The following FRY variants were observed in gnomAD, a reference collection of about 807,000 sequenced individuals.
FRY encodes FRY microtubule binding protein.
In FRY, 128 loss-of-function variants were observed where a neutral mutation model predicts 348.4. That is an observed-to-expected ratio of 0.37 (90% confidence interval 0.32 to 0.43). The LOEUF (loss-of-function observed/expected upper bound fraction) is 0.43. Among genes scored for constraint, FRY ranks in the 20% least tolerant of loss-of-function variants. FRY has a pLI of 1.00. For missense variants in FRY, 2,736 were observed against 3,695.2 expected, an observed-to-expected ratio of 0.74 and a Z score of 6.73; for synonymous variants, 1,370 against 1,374.7, an observed-to-expected ratio of 1.00 and a Z score of 0.08.
chr13:32,247,496 T>A lies in FRY; in HGVS notation c.7002T>A (p.Ile2334=). The A allele has an allele frequency of 1.2e-6, 2 of 1,610,996 alleles. No individual in the cohort carries two copies. The highest frequency in any genetic ancestry group is 1.7e-6 in the Non-Finnish European group (2 of 1,177,082). ...PGKTLDFHFD[I]SETPIIGRRY... ...AAACCCTGGACTTCCACTTCGATAT[T>A]TCGGAGGTACTTAGCTATGTTAACT... Residue 2334 remains isoleucine, a synonymous_variant, in exon 48 of 61, where the codon ATT becomes ATA. Transcript: ENST00000542859.
chr13:32,033,484 C>A (rs1029444134), intron 1 of FRY, among the ~76,000 whole-genome samples: 2 of 152,116 alleles, frequency 1.3e-5, no homozygotes, highest in Admixed American at 6.5e-5. Context: ...TTAAAAATTT[C>A]TCTCCCCTTG....
chr13:32,104,411 T>C (rs548440664), intron 3 of FRY, among the ~76,000 whole-genome samples: 28 of 152,340 alleles, frequency 1.8e-4, no homozygotes, highest in African/African-American at 6.7e-4. Context: ...ATCCGCCACC[T>C]AACAAAACTC....
At chr13:32,227,983 C>T (rs1885682199) in intron 39 of FRY, among the ~76,000 whole-genome samples, 1 of 152,170 alleles carries the variant, frequency 6.6e-6, no homozygotes, top group South Asian at 2.1e-4. Context: ...ATCTCCTGAC[C>T]TTGTGATCCA....
intron 1 of FRY, among the ~76,000 whole-genome samples, chr13:32,048,784 A>G (rs1236499891): frequency 3.9e-5 from 6 of 152,186 alleles, no homozygotes; most frequent in Non-Finnish European, 8.8e-5. Context: ...ACTAGAAAAA[A>G]AAAATCTGAA....
At chr13:32,238,947 A>C (rs758215930) in intron 44 of FRY, among the ~76,000 whole-genome samples, 1 of 152,220 alleles carries the variant, frequency 6.6e-6, no homozygotes, top group Non-Finnish European at 1.5e-5. Context: ...ATTTCAAACT[A>C]GTACTCAGTT....
At position 32,265,496 on chromosome 13, in the gene FRY, A is replaced by C; in HGVS notation, c.7826A>C (p.Asp2609Ala). 6.2e-7 allele frequency: 1 copy of C among 1,614,186 alleles called. No homozygotes were observed. The highest frequency in any genetic ancestry group is 8.5e-7 in the Non-Finnish European group (1 of 1,180,024). ...GAGGACACCACCGTGCATGAGGATGATCTTTCTAGTTCCATCAATGAACTC... is the reference window on the plus strand; with the variant it reads ...GAGGACACCACCGTGCATGAGGATGCTCTTTCTAGTTCCATCAATGAACTC... Reference protein sequence around the residue: ...EEEDTTVHEDDLSSSINELPA... With the variant: ...EEEDTTVHEDALSSSINELPA... The change falls in exon 54 of 61, where the codon GAT becomes GCT. Residue 2609 changes from aspartate (D) to alanine (A), a missense_variant. By Grantham distance (126) the Asp-to-Ala change is moderately radical (BLOSUM62 -2). Coordinates refer to ENST00000542859, the MANE Select transcript of FRY (RefSeq NM_023037.3).
Position 32,135,146 on chromosome 13 carries a change from C to A in FRY, c.1040C>A (p.Thr347Asn). ...AATTTTGTGGAAAGCCTGTATGACA[C>A]CACGCTGGAACTTTCTTCTCGAAAG... ...LRNFVESLYD[T>N]TLELSSRKKH... The change falls in exon 10 of 61, where the codon ACC (threonine) becomes AAC (asparagine). Residue 347 changes from threonine (T) to asparagine (N), a missense_variant. Coordinates refer to ENST00000542859, the MANE Select transcript of FRY (RefSeq NM_023037.3). The A allele has an allele frequency of 1.9e-6, 3 of 1,612,148 alleles. No individual in the cohort carries two copies. Among genetic ancestry groups the A allele is most frequent in the Non-Finnish European group, 2.5e-6 (3 of 1,178,258 alleles).
rs137969346 is a variant in FRY, at chr13:32,275,756, C to T, written c.8287-708C>T. 2.4e-3 allele frequency among the ~76,000 whole-genome samples: 358 copies of T among 152,292 alleles called. 1 individual carries two copies. The highest frequency in any genetic ancestry group is 8.2e-3 in the African/African-American group (341 of 41,554). ...CTCTGGATTTGCCCAGCTCAAACTGCAAATGATGAGTTTAAGGGATAATCA... is the reference window on the plus strand; with the variant it reads ...CTCTGGATTTGCCCAGCTCAAACTGTAAATGATGAGTTTAAGGGATAATCA... On this transcript the variant is annotated intron_variant, in intron 56 of 60. Coordinates refer to ENST00000542859, the MANE Select transcript of FRY (RefSeq NM_023037.3).
chr13:32,108,503 A>G (rs1432816027), intron 3 of FRY, among the ~76,000 whole-genome samples: 1 of 152,236 alleles, frequency 6.6e-6, no homozygotes, highest in African/African-American at 2.4e-5. Flanking sequence ...AAACAGGCAA[A>G]AATATGACTC....
At chr13:32,205,750 A>C (rs1884316748) in intron 31 of FRY, among the ~76,000 whole-genome samples, 2 of 152,098 alleles carry the variant, frequency 1.3e-5, no homozygotes, top group African/African-American at 2.4e-5. Context: ...GGGAGTATCA[A>C]GATTAGAATG....
chr13:32,041,232 G>A (rs916033775), intron 1 of FRY, among the ~76,000 whole-genome samples: 1 of 150,052 alleles, frequency 6.7e-6, no homozygotes, highest in African/African-American at 2.5e-5. Flanking sequence ...ATGACAACAT[G>A]GACTTAGCTA....
Position 32,184,962 on chromosome 13 carries a change from T to G in FRY, c.3147-14T>G. 6.2e-7 allele frequency: 1 copy of G among 1,611,800 alleles called. No homozygotes were observed. The highest frequency in any genetic ancestry group is 8.5e-7 in the Non-Finnish European group (1 of 1,178,184). On this transcript the variant is annotated splice_polypyrimidine_tract_variant and intron_variant, in intron 25 of 60. Transcript: ENST00000542859. ...AGACTGATCATCTAAAAGTTTCATT[T>G]TCCTTTATTCCAGCACAAATGGAGC...
intron 1 of FRY, among the ~76,000 whole-genome samples, chr13:32,058,686 G>A (rs1371065393): frequency 6.6e-6 from 1 of 152,192 alleles, no homozygotes; most frequent in Non-Finnish European, 1.5e-5. Context: ...GAGAACATGG[G>A]CTTCAAGTGG....
chr13:32,199,583 A>G lies in FRY; in HGVS notation c.3747-2358A>G, dbSNP rs552121342. Among the ~76,000 whole-genome samples, 3 of 152,320 alleles carry G rather than the reference A, an allele frequency of 2.0e-5. No homozygotes were observed. The East Asian group carries it at 5.8e-4, about 29-fold the overall frequency. On this transcript the variant is annotated intron_variant, in intron 29 of 60. Coordinates refer to ENST00000542859, the MANE Select transcript of FRY (RefSeq NM_023037.3). ...TAAGATTAACAATTGGGAGAATGAA[A>G]GGACATGAGATACTTCTACATTTTA...
At chr13:32,124,544 T>C in intron 5 of FRY, 58 bp from the exon 6 acceptor site, 1 of 1,005,146 alleles carries the variant, frequency 9.9e-7, no homozygotes, top group Non-Finnish European at 1.6e-6. Flanking sequence ...TTGGAAGTAC[T>C]GTACCGATTT....
chr13:32,238,561 C>T (rs370571426), intron 44 of FRY, among the ~76,000 whole-genome samples: 1 of 152,164 alleles, frequency 6.6e-6, no homozygotes, highest in South Asian at 2.1e-4. Context: ...AAGCAATTCT[C>T]CTGCCTCAGC....
intron 1 of FRY, among the ~76,000 whole-genome samples, chr13:32,055,295 G>A (rs546008313): frequency 8.7e-4 from 132 of 152,126 alleles, no homozygotes; most frequent in Non-Finnish European, 6.6e-4. Context: ...CTCCCACCTC[G>A]ACCTCCCAAA....
At chr13:32,168,490 A>G (rs1397772921) in intron 17 of FRY, among the ~76,000 whole-genome samples, 1 of 152,220 alleles carries the variant, frequency 6.6e-6, no homozygotes, top group Non-Finnish European at 1.5e-5. Context: ...ATTCACCACC[A>G]CAGAGCTCTA....
chr13:32,103,663 GA>G (rs897335116), intron 3 of FRY, among the ~76,000 whole-genome samples: 28 of 150,732 alleles, frequency 1.9e-4, no homozygotes, highest in African/African-American at 6.8e-4. Context: ...AGTATAATAA[GA>G]AAAAAAAAGA....
Sources: allele counts gnomAD v4.1 joint callset (sites outside exome capture counted in the v4.1 genomes callset), GRCh38; gene constraint gnomAD v4.1.1; transcripts MANE v1.5; gene names NCBI Gene and HGNC (gene_info 2026-07-23, HGNC 2026-07-21).